USH2A: variants seen among roughly 807,000 people sequenced by gnomAD.
USH2A encodes Usher syndrome 2A (autosomal recessive, mild).
In USH2A, 443 loss-of-function variants were observed where a neutral mutation model predicts 538.9. The observed-to-expected ratio is 0.82, with a 90% confidence interval of 0.76 to 0.89. The LOEUF (loss-of-function observed/expected upper bound fraction) is 0.89. Ranked by LOEUF, USH2A falls within the 40% of genes least tolerant of loss-of-function variation. The probability of loss-of-function intolerance (pLI) is 0.00; values close to 1 mark genes in which losing one functional copy is unlikely to be tolerated. For synonymous variants in USH2A, 2,413 were observed against 2,273.5 expected (o/e 1.06, Z -1.75); for missense variants, 6,633 against 6,324.8 (o/e 1.05, Z -1.65).
chr1:215,790,996 G>A (rs1489009600), intron 50 of USH2A, among the ~76,000 whole-genome samples: 1 of 152,126 alleles, frequency 6.6e-6, no homozygotes, highest in African/African-American at 2.4e-5. Context: ...ACCTTGTAGA[G>A]AGGATCACTG....
intron 38 of USH2A, among the ~76,000 whole-genome samples, chr1:215,921,971 A>T (rs896312355): frequency 1.3e-5 from 2 of 152,078 alleles, no homozygotes; most frequent in African/African-American, 4.8e-5. Flanking sequence ...TTTTCTCTAG[A>T]TACTGGGCAC....
intron 37 of USH2A, among the ~76,000 whole-genome samples, chr1:215,946,505 G>A (rs1397608427): frequency 6.6e-6 from 1 of 152,274 alleles, no homozygotes. Flanking sequence ...TCTATTAGTT[G>A]AGCCAACCAG....
chr1:216,196,317 A>G (rs2034841154), intron 19 of USH2A, among the ~76,000 whole-genome samples: 1 of 152,184 alleles, frequency 6.6e-6, no homozygotes, highest in Admixed American at 6.6e-5. Context: ...AAATGGAAAA[A>G]AAACAAGTCT....
chr1:216,125,170 A>G (rs2033222402), intron 21 of USH2A, among the ~76,000 whole-genome samples: 1 of 151,868 alleles, frequency 6.6e-6, no homozygotes, highest in African/African-American at 2.4e-5. Context: ...AAGAATTAGC[A>G]TATCTATATT....
intron 3 of USH2A, among the ~76,000 whole-genome samples, chr1:216,382,903 G>A (rs1268197550): frequency 4.6e-5 from 7 of 152,012 alleles, no homozygotes; most frequent in South Asian, 2.1e-4. Context: ...ATGAAAGCCC[G>A]AAGAAAACAA....
intron 13 of USH2A, among the ~76,000 whole-genome samples, chr1:216,244,859 G>A (rs946465071): frequency 2.0e-5 from 3 of 152,054 alleles, no homozygotes; most frequent in African/African-American, 7.2e-5. Context: ...CATGTGACTT[G>A]TATTATACAT....
intron 50 of USH2A, among the ~76,000 whole-genome samples, chr1:215,794,156 G>A (rs1481788233): frequency 7.2e-5 from 11 of 151,884 alleles, no homozygotes; most frequent in East Asian, 1.9e-4. Context: ...AAACATAAAC[G>A]CCACCCCAGC....
intron 61 of USH2A, among the ~76,000 whole-genome samples, chr1:215,686,016 T>C (rs925061724): frequency 9.9e-5 from 15 of 152,148 alleles, no homozygotes; most frequent in South Asian, 4.1e-4. Context: ...TTTTAGTGTG[T>C]ATGTGCTAGG....
chr1:215,862,005 A>G (rs1175102804), intron 44 of USH2A, among the ~76,000 whole-genome samples: 1 of 151,728 alleles, frequency 6.6e-6, no homozygotes, highest in Non-Finnish European at 1.5e-5. Context: ...ACACCTGGCC[A>G]ATTTTTGTAT....
intron 71 of USH2A, among the ~76,000 whole-genome samples, chr1:215,627,234 A>G (rs1656059183): frequency 6.6e-6 from 1 of 152,178 alleles, no homozygotes; most frequent in South Asian, 2.1e-4. Flanking sequence ...CTTGGAGGAG[A>G]AAGATGAGAG....
chr1:216,081,697 T>G (rs2031947815), intron 26 of USH2A, among the ~76,000 whole-genome samples: 1 of 152,094 alleles, frequency 6.6e-6, no homozygotes, highest in Non-Finnish European at 1.5e-5. Context: ...TCTTCAGCAA[T>G]CCTCTTGCCT....
intron 61 of USH2A, among the ~76,000 whole-genome samples, chr1:215,704,428 A>T (rs1006584907): frequency 3.3e-5 from 5 of 152,182 alleles, no homozygotes; most frequent in Non-Finnish European, 7.3e-5. Context: ...TTCCAACATC[A>T]CTTACCATCT....
chr1:216,084,253 GC>G (rs1014381539), intron 25 of USH2A, among the ~76,000 whole-genome samples: 1 of 151,922 alleles, frequency 6.6e-6, no homozygotes, highest in African/African-American at 2.4e-5. Context: ...TCTCTCAATG[GC>G]CTACTTAACC....
intron 42 of USH2A, 65 bp from the exon 43 acceptor site, chr1:215,877,945 A>C (rs7518358): frequency 3.1e-6 from 5 of 1,608,618 alleles, no homozygotes; most frequent in Non-Finnish European, 4.3e-6. Flanking sequence ...ACCAAAACTC[A>C]GGCTGTTCTG....
chr1:215,924,642 C>T (rs1666190370), intron 38 of USH2A, among the ~76,000 whole-genome samples: 1 of 148,442 alleles, frequency 6.7e-6, no homozygotes, highest in Middle Eastern at 3.6e-3. Flanking sequence ...TGGATAAAGC[C>T]GTCTTCGAAG....
intron 16 of USH2A, among the ~76,000 whole-genome samples, chr1:216,202,838 A>G (rs1318453642): frequency 2.6e-5 from 4 of 152,188 alleles, no homozygotes; most frequent in Admixed American, 2.0e-4. Flanking sequence ...GTGGTTCTCC[A>G]TCACATCATT....
intron 47 of USH2A, among the ~76,000 whole-genome samples, chr1:215,818,907 C>T (rs981291896): frequency 1.3e-5 from 2 of 151,704 alleles, no homozygotes; most frequent in African/African-American, 4.8e-5. Context: ...CATATTCTTG[C>T]AGTGTAGCAC....
intron 36 of USH2A, among the ~76,000 whole-genome samples, chr1:215,968,757 A>T (rs1451481267): frequency 1.3e-5 from 2 of 152,192 alleles, no homozygotes; most frequent in Non-Finnish European, 2.9e-5. Context: ...TAAAAATAGA[A>T]ATGATAAATT....
chr1:216,150,924 A>C (rs557631338), intron 21 of USH2A, among the ~76,000 whole-genome samples: 130 of 152,276 alleles, frequency 8.5e-4, no homozygotes, highest in African/African-American at 3.0e-3. Flanking sequence ...TCCATATTAC[A>C]GACAAGCCCT....
Sources: gnomAD v4.1 joint callset for allele counts (sites outside exome capture counted in the v4.1 genomes callset) on GRCh38, gnomAD v4.1.1 for gene constraint, MANE v1.5 for transcripts, NCBI Gene and HGNC (gene_info 2026-07-23, HGNC 2026-07-21) for gene names.